Variants in CHRNB3 observed in about 807,000 individuals in gnomAD.
CHRNB3 encodes the protein cholinergic receptor nicotinic beta 3 subunit, also known as neuronal acetylcholine receptor subunit beta-3.
CHRNB3 carries 37 observed loss-of-function variants against 40.6 expected under a neutral mutation model. The observed-to-expected ratio is 0.91, with a 90% CI of 0.70 to 1.20. The LOEUF is 1.20. Ranked by LOEUF, CHRNB3 falls within the 50% of genes most tolerant of loss-of-function variation. CHRNB3 has a pLI of 0.00. For missense variants in CHRNB3, 505 were observed against 551.2 expected, an observed-to-expected ratio of 0.92 and a Z score of 0.84; for synonymous variants, 207 against 207.1, an observed-to-expected ratio of 1.00 and a Z score of 0.00.
chr8:42,713,139 C>T (rs1229511935), intron 3 of CHRNB3, among the ~76,000 whole-genome samples: 1 of 152,022 alleles, frequency 6.6e-6, no homozygotes, highest in Non-Finnish European at 1.5e-5. Context: ...CTTTGCCTGG[C>T]CGAGATTAAG....
chr8:42,705,050 C>T (rs1201787731), intron 1 of CHRNB3, among the ~76,000 whole-genome samples: 1 of 152,182 alleles, frequency 6.6e-6, no homozygotes, highest in African/African-American at 2.4e-5. Context: ...GTTTTCAAGA[C>T]AGATAAGTGG....
rs1341413665 is a variant in CHRNB3 at position 42,727,362 on chromosome 8, G to C, written c.250-3232G>C. On this transcript the variant is annotated intron_variant, in intron 3 of 5. Coordinates refer to ENST00000289957, the MANE Select transcript of CHRNB3 (RefSeq NM_000749.5). ...CACTCCAGCCTGGGCGATAGAGTGA[G>C]ACTCTGTCTCGAAAAAAAAAAAAAA... Among the ~76,000 whole-genome samples, 7 of 136,486 alleles carry C rather than the reference G, an allele frequency of 5.1e-5. No individual in the cohort carries two copies. The Admixed American group carries it at 5.4e-4, about 10-fold the overall frequency. 89.5% of individuals were successfully genotyped at this position (136,486 alleles called of 152,430 possible). A position where few individuals can be genotyped will look rare whatever the true frequency, so the allele number is the denominator to read the frequency against.
chr8:42,731,673 C>T lies in CHRNB3; in HGVS notation c.366C>T (p.Asp122=), dbSNP rs753788674. The T allele has an allele frequency of 6.5e-5, 105 of 1,603,758 alleles. No individual in the cohort carries two copies. The highest frequency in any genetic ancestry group is 3.1e-4 in the African/African-American group (23 of 74,554). The change falls in exon 5 of 6, where the codon GAC becomes GAT. Residue 122 remains aspartate (D), a synonymous_variant. Transcript: ENST00000289957. ...GAAACTGCTTTGATTGCAGTGCTGA[C>T]GGCCGCTTCGAAGGCTCCCTGATGA... ...LPDIVLFENA[D]GRFEGSLMTK...
chr8:42,721,492 G>A (rs1300471236), intron 3 of CHRNB3, among the ~76,000 whole-genome samples: 7 of 152,136 alleles, frequency 4.6e-5, no homozygotes, highest in Admixed American at 3.9e-4. Flanking sequence ...GGGAGACTGA[G>A]GCAGGTGGAT....
rs1041754555 is a variant in CHRNB3, at chr8:42,725,747, T to C, written c.250-4847T>C. On this transcript the variant is annotated intron_variant, in intron 3 of 5. Coordinates refer to ENST00000289957, the MANE Select transcript of CHRNB3 (RefSeq NM_000749.5). ...TTGTCTGTCAGAGGGATGGTCTTAT[T>C]CGTGACCTTGACTTGTCCACGTTTC... 24 of 920,964 alleles carry C rather than the reference T, an allele frequency of 2.6e-5. No individual in the cohort carries two copies. In the African/African-American group the frequency reaches 3.7e-4, roughly 14 times the overall value. The allele number at this position is 920,964 out of a possible 1,614,324, so 57.0% of individuals were successfully genotyped here.
intron 1 of CHRNB3, among the ~76,000 whole-genome samples, chr8:42,703,458 A>ATATATATG (rs1563606411): frequency 2.4e-5 from 3 of 123,734 alleles, no homozygotes; most frequent in African/African-American, 7.9e-5. Context: ...ATATATATAT[A>ATATATATG]TATGTATCCA....
At chr8:42,733,943 G>A (rs1031995147) in intron 5 of CHRNB3, among the ~76,000 whole-genome samples, 6 of 149,546 alleles carry the variant, frequency 4.0e-5, no homozygotes, top group South Asian at 2.1e-4. Context: ...ATTATTTGAC[G>A]TGCAGATATT....
At chr8:42,697,860 T>C (rs936413221) in intron 1 of CHRNB3, among the ~76,000 whole-genome samples, 5 of 152,142 alleles carry the variant, frequency 3.3e-5, no homozygotes, top group African/African-American at 1.2e-4. Context: ...ATGAGCTTGG[T>C]AAGAAAATAC....
intron 3 of CHRNB3, among the ~76,000 whole-genome samples, chr8:42,729,358 C>T (rs1461809109): frequency 1.3e-5 from 2 of 151,616 alleles, no homozygotes; most frequent in South Asian, 2.1e-4. Flanking sequence ...TGCAGTGAGC[C>T]GAGATCACAC....
At chr8:42,731,560 AG>A (rs1201446661) in intron 4 of CHRNB3, 106 bp from the exon 5 acceptor site, 7 of 1,236,608 alleles carry the variant, frequency 5.7e-6, no homozygotes, top group Admixed American at 5.4e-5. Flanking sequence ...ATCTCAAAAA[AG>A]AAAAGAAAAG....
chr8:42,697,936 CAG>C (rs1394813473), intron 1 of CHRNB3, among the ~76,000 whole-genome samples: 2 of 152,092 alleles, frequency 1.3e-5, no homozygotes, highest in Admixed American at 6.6e-5. Context: ...ATATTTGGCA[CAG>C]AAATTTACTA....
At chr8:42,710,362 A>T (rs1017537496) in intron 2 of CHRNB3, 28 bp from the exon 3 acceptor site, 17 of 1,527,722 alleles carry the variant, frequency 1.1e-5, no homozygotes, top group Non-Finnish European at 1.4e-5. Context: ...TTCAACTTAC[A>T]GTATTTTTTA....
At chr8:42,714,601 A>G (rs1373637041) in intron 3 of CHRNB3, among the ~76,000 whole-genome samples, 1 of 151,492 alleles carries the variant, frequency 6.6e-6, no homozygotes, top group East Asian at 1.9e-4. Flanking sequence ...ATATTTATAA[A>G]AAGCTATCAT....
intron 5 of CHRNB3, among the ~76,000 whole-genome samples, chr8:42,736,146 C>A (rs1816520220): frequency 6.6e-6 from 1 of 152,140 alleles, no homozygotes; most frequent in Non-Finnish European, 1.5e-5. Context: ...GGATTACAGG[C>A]GTGAGCCACC....
chr8:42,732,836 A>G (rs1169640275), intron 5 of CHRNB3, among the ~76,000 whole-genome samples: 1 of 152,206 alleles, frequency 6.6e-6, no homozygotes, highest in Non-Finnish European at 1.5e-5. Context: ...AAATAATTCA[A>G]TTACACATTT....
Position 42,716,090 on chromosome 8 carries a change from T to C in CHRNB3, c.249+5656T>C, listed in dbSNP as rs150581424. On this transcript the variant is annotated intron_variant, in intron 3 of 5. Coordinates refer to ENST00000289957, the MANE Select transcript of CHRNB3 (RefSeq NM_000749.5). ...GCTTCCTGGGTTCAAGTAATTCTGC[T>C]TCAGCCTCCCGAGTAGCTGGGATTA... is the stretch of plus-strand genomic sequence containing the variant. Among the ~76,000 whole-genome samples, 28 of 151,238 alleles carry C rather than the reference T, an allele frequency of 1.9e-4. No individual in the cohort carries two copies. In the East Asian group the frequency reaches 5.5e-3, roughly 30 times the overall value.
At position 42,732,260 on chromosome 8, in the gene CHRNB3, T is replaced by C; in HGVS notation, c.953T>C (p.Ile318Thr). The change falls in exon 5 of 6, where the codon ATT becomes ACT. Residue 318 changes from isoleucine to threonine, a missense_variant. Transcript: ENST00000289957. ...TCCATCATTGTTACCGTGTTTGTCATTAACGTTCACCACAGATCTTCTTCC... is the reference window on the plus strand; with the variant it reads ...TCCATCATTGTTACCGTGTTTGTCACTAACGTTCACCACAGATCTTCTTCC... Reference protein sequence around the residue: ...TLSIIVTVFVINVHHRSSSTY... With the variant: ...TLSIIVTVFVTNVHHRSSSTY... 1 of 1,611,918 alleles carries C rather than the reference T, an allele frequency of 6.2e-7. No homozygotes were observed. The highest frequency in any genetic ancestry group is 1.1e-5 in the South Asian group (1 of 90,556).
At chr8:42,717,497 A>C (rs1298129291) in intron 3 of CHRNB3, among the ~76,000 whole-genome samples, 1 of 151,118 alleles carries the variant, frequency 6.6e-6, no homozygotes, top group Non-Finnish European at 1.5e-5. Flanking sequence ...GGCACTTACA[A>C]GTTCATGAAT....
rs1042560784 is a variant in CHRNB3, at chr8:42,721,060, C to G, written c.250-9534C>G. Among the ~76,000 whole-genome samples, 2 of 152,220 alleles carry G rather than the reference C, an allele frequency of 1.3e-5. 1 individual carries two copies. Among genetic ancestry groups the G allele is most frequent in the Non-Finnish European group, 2.9e-5 (2 of 68,046 alleles). ...CACTAAAGATGGACCTGGAGCATGA[C>G]AGCACAGCCCTAGCTGGTCTGCCCA... On this transcript the variant is annotated intron_variant, in intron 3 of 5. Coordinates refer to ENST00000289957, the MANE Select transcript of CHRNB3 (RefSeq NM_000749.5).
Sources: gnomAD v4.1 joint callset for allele counts (sites outside exome capture counted in the v4.1 genomes callset) on GRCh38, gnomAD v4.1.1 for gene constraint, MANE v1.5 for transcripts, NCBI Gene and HGNC (gene_info 2026-07-23, HGNC 2026-07-21) for gene names.